Variants in CTBP2 observed in about 807,000 individuals in gnomAD.
CTBP2 encodes the protein C-terminal-binding protein 2.
Under a neutral mutation model 80.3 loss-of-function variants are expected in CTBP2, and 30 were observed. The observed-to-expected ratio is 0.37, with a 90% CI of 0.28 to 0.51. The LOEUF (loss-of-function observed/expected upper bound fraction) is 0.51. Among genes scored for constraint, CTBP2 ranks in the 20% least tolerant of loss-of-function variants. The pLI is 0.93. For missense variants in CTBP2, 1,212 were observed against 1,375.3 expected (o/e 0.88, Z 1.88); for synonymous variants, 594 against 587.4 (o/e 1.01, Z -0.16).
intron 2 of CTBP2, among the ~76,000 whole-genome samples, chr10:125,071,329 G>A (rs1439132805): frequency 1.3e-5 from 2 of 152,250 alleles, no homozygotes; most frequent in African/African-American, 4.8e-5. Context: ...GGGATTCAGG[G>A]ATGATGGAAA....
In CTBP2 at chr10:125,027,561, C is replaced by T. The variant is rs148362463; in HGVS notation, c.199G>A (p.Glu67Lys). ...ACGGCCTCCCGGTACAGGTAGGGCTCGGCGGCCACGGGCAGGGCAGCGTCC... is the reference window on the plus strand; with the variant it reads ...ACGGCCTCCCGGTACAGGTAGGGCTTGGCGGCCACGGGCAGGGCAGCGTCC... Residue 67 changes from glutamate (E) to lysine (K), a missense_variant, in exon 1 of 9, where the codon GAG becomes AAG. By Grantham distance (56) the Glu-to-Lys change is moderately conservative (BLOSUM62 1). Coordinates refer to ENST00000309035, the MANE Select transcript of CTBP2 (RefSeq NM_022802.3). 2.6e-5 allele frequency: 42 copies of T among 1,613,956 alleles called. No homozygotes were observed. The highest frequency in any genetic ancestry group is 5.0e-5 in the Admixed American group (3 of 60,004).
At chr10:125,030,920 G>A (rs114031797), upstream of CTBP2, among the ~76,000 whole-genome samples, 662 of 152,304 alleles carry the variant, frequency 4.3e-3, 7 homozygotes, top group African/African-American at 0.015. Context: ...GGCCAGGGCA[G>A]CTCTGAAGGT....
Position 124,989,491 on chromosome 10 carries a change from T to G in CTBP2, c.*27A>C. 1 of 1,604,196 alleles carries G rather than the reference T, an allele frequency of 6.2e-7. No homozygotes were observed. The highest frequency in any genetic ancestry group is 8.5e-7 in the Non-Finnish European group (1 of 1,172,670). ...ACTGTCTCTTGGTCCCAAGTGTATC[T>G]GAGTGATTACCTTCTGGCATTCTCT... On this transcript the variant is annotated 3_prime_UTR_variant, in exon 9 of 9. Coordinates refer to ENST00000309035, the MANE Select transcript of CTBP2 (RefSeq NM_022802.3).
At chr10:125,126,439 G>A (rs772633992) in intron 1 of CTBP2, among the ~76,000 whole-genome samples, 4 of 152,198 alleles carry the variant, frequency 2.6e-5, no homozygotes, top group Non-Finnish European at 4.4e-5. Context: ...GCTGAACTCC[G>A]TTCCTAGCGT....
rs1365736662 is a variant in CTBP2, at chr10:124,988,833, T to C, written c.*685A>G. ...CCACTCAATAAAATAGCAGAGGATC[T>C]GAAACTGAGAAAATATATTTGAGTA... On this transcript the variant is annotated 3_prime_UTR_variant, in exon 9 of 9. Transcript: ENST00000309035. 1.3e-5 allele frequency: 2 copies of C among 152,546 alleles called. No individual in the cohort carries two copies. The highest frequency in any genetic ancestry group is 2.9e-5 in the Non-Finnish European group (2 of 68,044). 9.4% of individuals were successfully genotyped at this position (152,546 alleles called of 1,614,324 possible).
intron 3 of CTBP2, among the ~76,000 whole-genome samples, chr10:125,035,294 C>T (rs1485566230): frequency 2.0e-5 from 3 of 152,132 alleles, no homozygotes; most frequent in Admixed American, 6.5e-5. Context: ...CCTCTGTGGT[C>T]GTGAGAACAT....
chr10:125,068,761 G>A (rs114193602), intron 2 of CTBP2, among the ~76,000 whole-genome samples: 2,011 of 152,278 alleles, frequency 0.013, 49 homozygotes, highest in African/African-American at 0.046. Context: ...ACCAGGCCCT[G>A]GAAGGTGGGA....
chr10:125,080,611 C>T (rs534186754), intron 2 of CTBP2, among the ~76,000 whole-genome samples: 7 of 152,250 alleles, frequency 4.6e-5, no homozygotes, highest in African/African-American at 1.4e-4. Flanking sequence ...GGTCTCCAGA[C>T]GCACATAAGA....
intron 2 of CTBP2, among the ~76,000 whole-genome samples, chr10:125,061,140 C>A (rs2135344752): frequency 6.6e-6 from 1 of 152,362 alleles, no homozygotes; most frequent in East Asian, 1.9e-4. Context: ...GCAAGCTGAG[C>A]ATACTATTTT....
At chr10:125,161,713 T>C (rs921832931), upstream of CTBP2, among the ~76,000 whole-genome samples, 1 of 147,742 alleles carries the variant, frequency 6.8e-6, no homozygotes, top group Admixed American at 6.7e-5. Context: ...TCTTACACAT[T>C]GAAAAAAAAA....
chr10:125,022,938 A>G (rs946418340), intron 1 of CTBP2, among the ~76,000 whole-genome samples: 2 of 152,212 alleles, frequency 1.3e-5, no homozygotes, highest in Non-Finnish European at 2.9e-5. Flanking sequence ...GCGACCCTCT[A>G]TACAGATTCT....
intron 1 of CTBP2, among the ~76,000 whole-genome samples, chr10:125,146,409 T>C (rs943202867): frequency 6.6e-6 from 1 of 151,472 alleles, no homozygotes; most frequent in Non-Finnish European, 1.5e-5. Context: ...GACTCCCAAA[T>C]AGCTAGGATT....
At chr10:125,028,333 C>A (rs1429286952), upstream of CTBP2, among the ~76,000 whole-genome samples, 2 of 152,182 alleles carry the variant, frequency 1.3e-5, no homozygotes, top group African/African-American at 4.8e-5. Flanking sequence ...TGAGAGGTAA[C>A]AGAAGCAAAA....
At chr10:125,049,090 C>CACGT (rs1156641319) in intron 2 of CTBP2, among the ~76,000 whole-genome samples, 1 of 149,292 alleles carries the variant, frequency 6.7e-6, no homozygotes, top group African/African-American at 2.5e-5. Context: ...CACACACACA[C>CACGT]ACGTCCACCT....
chr10:125,038,857 G>T, intron 3 of CTBP2, 140 bp downstream of exon 3: 1 of 789,910 alleles, frequency 1.3e-6, no homozygotes, highest in Non-Finnish European at 2.0e-6. Context: ...CCCAGCAGAG[G>T]GTGCCAATGG....
At chr10:124,997,102 C>G (rs1297119752) in intron 4 of CTBP2, 1 of 152,306 alleles carries the variant, frequency 6.6e-6, no homozygotes, top group African/African-American at 2.4e-5. Context: ...AAGGGCTGAG[C>G]AGCAGCTGGG....
chr10:125,030,895 T>G (rs535642733), upstream of CTBP2, among the ~76,000 whole-genome samples: 15 of 152,224 alleles, frequency 9.9e-5, no homozygotes, highest in African/African-American at 3.6e-4. Context: ...TGATCCTGCC[T>G]CCACCAACAC....
In CTBP2 at chr10:125,033,900, A is replaced by C. The variant is rs1285531691; in HGVS notation, c.58+5097T>G. ...AGGGCACCACCAACCAGGCGGTGGG[A>C]AACAGCGCGATTCACTGTGGTAGGG... On this transcript the variant is annotated intron_variant, in intron 3 of 10. Transcript: ENST00000337195. Among the ~76,000 whole-genome samples the C allele has an allele frequency of 3.3e-5, 5 of 152,124 alleles. No individual in the cohort carries two copies. The East Asian group carries it at 5.8e-4, about 18-fold the overall frequency.
intron 1 of CTBP2, among the ~76,000 whole-genome samples, chr10:125,006,497 G>C: frequency 6.6e-6 from 1 of 152,198 alleles, no homozygotes; most frequent in East Asian, 1.9e-4. Context: ...CCACACACCA[G>C]AGAATCTGGA....
Sources: gnomAD v4.1 joint callset for allele counts (sites outside exome capture counted in the v4.1 genomes callset) on GRCh38, gnomAD v4.1.1 for gene constraint, MANE v1.5 for transcripts, NCBI Gene and HGNC (gene_info 2026-07-23, HGNC 2026-07-21) for gene names.